The following FARSB variants were observed in gnomAD, a reference collection of about 807,000 sequenced individuals.
FARSB encodes the protein phenylalanine--tRNA ligase beta subunit.
A neutral mutation model predicts 69.6 loss-of-function variants in FARSB; 40 were observed. That is an observed-to-expected ratio of 0.57 (90% CI 0.45 to 0.75). FARSB has a LOEUF of 0.75. FARSB is among the 30% of genes least tolerant of loss of function. The pLI is 0.00. For missense variants in FARSB, 632 were observed against 722.9 expected (o/e 0.87, Z 1.44); for synonymous variants, 235 against 247.2 (o/e 0.95, Z 0.46).
intron 15 of FARSB, among the ~76,000 whole-genome samples, chr2:222,610,130 G>T (rs1181474643): frequency 6.6e-6 from 1 of 152,106 alleles, no homozygotes; most frequent in African/African-American, 2.4e-5. Flanking sequence ...CAATGAAAAA[G>T]AACTTAAAAA....
At chr2:222,639,194 A>G (rs901895729) in intron 5 of FARSB, among the ~76,000 whole-genome samples, 1 of 152,254 alleles carries the variant, frequency 6.6e-6, no homozygotes, top group Admixed American at 6.5e-5. Flanking sequence ...ATGATATATC[A>G]TACTTCATTA....
chr2:222,655,689 C>T (rs2106021853), intron 1 of FARSB, among the ~76,000 whole-genome samples: 1 of 152,370 alleles, frequency 6.6e-6, no homozygotes, highest in South Asian at 2.1e-4. Context: ...AATTAACTGG[C>T]TACGCTCGGG....
chr2:222,619,763 A>G (rs1231375721), intron 13 of FARSB, 26 bp from the exon 14 acceptor site: 1 of 1,281,278 alleles, frequency 7.8e-7, no homozygotes, highest in Admixed American at 1.7e-5. Context: ...AAAACAGATT[A>G]ATATGGAAAA....
rs142162501 is a variant in FARSB at position 222,567,268 on chromosome 2, G to C, written c.*4603C>G. On this transcript the variant is annotated 3_prime_UTR_variant, in exon 17 of 17. Coordinates refer to ENST00000281828, the MANE Select transcript of FARSB (RefSeq NM_005687.5). ...AATAATATACATAAAGTTATTCAAGGCCCTAATAACATAATAAGCCAGAAC... is the reference window on the plus strand; with the variant it reads ...AATAATATACATAAAGTTATTCAAGCCCCTAATAACATAATAAGCCAGAAC... The C allele has an allele frequency of 1.3e-5, 2 of 152,300 alleles. No individual in the cohort carries two copies. Among genetic ancestry groups the C allele is most frequent in the Admixed American group, 1.3e-4 (2 of 15,302 alleles). 9.4% of individuals were successfully genotyped at this position (152,300 alleles called of 1,614,324 possible).
Position 222,628,821 on chromosome 2 carries a change from T to G in FARSB, c.900+16A>C. The G allele has an allele frequency of 6.4e-7, 1 of 1,554,290 alleles. No individual in the cohort carries two copies. The highest frequency in any genetic ancestry group is 1.1e-5 in the South Asian group (1 of 89,192). Reference sequence around the variant, plus strand: ...CATTGTTGTCATAATCATGAAGTCATTTCTTAAGCACTTACTGGAAAGGTA... The same window carrying G: ...CATTGTTGTCATAATCATGAAGTCAGTTCTTAAGCACTTACTGGAAAGGTA... On this transcript the variant is annotated intron_variant, in intron 10 of 16. Coordinates refer to ENST00000281828, the MANE Select transcript of FARSB (RefSeq NM_005687.5).
At chr2:222,607,661 AT>A (rs1396480231) in intron 15 of FARSB, among the ~76,000 whole-genome samples, 1 of 152,080 alleles carries the variant, frequency 6.6e-6, no homozygotes, top group Non-Finnish European at 1.5e-5. Context: ...AAAAAAAAAA[AT>A]AAGAAAAGAT....
At chr2:222,605,189 C>CTCTCTCTCTT (rs1226548205) in intron 15 of FARSB, among the ~76,000 whole-genome samples, 6 of 151,904 alleles carry the variant, frequency 3.9e-5, no homozygotes. Context: ...CTCTCTCTCT[C>CTCTCTCTCTT]TCTCTGTGTC....
chr2:222,643,077 C>T (rs1691764119), intron 2 of FARSB, 72 bp from the exon 3 acceptor site: 2 of 842,792 alleles, frequency 2.4e-6, no homozygotes, highest in Non-Finnish European at 3.6e-6. Context: ...AAGTTGTCAG[C>T]CCTATAAGGC....
Position 222,599,863 on chromosome 2 carries a change from C to A in FARSB, c.1618+65G>T, listed in dbSNP as rs1690515296. 5 of 1,312,414 alleles carry A rather than the reference C, an allele frequency of 3.8e-6. No homozygotes were observed. In the South Asian group the frequency reaches 8.5e-5, roughly 22 times the overall value. 81.3% of individuals were successfully genotyped at this position (1,312,414 alleles called of 1,614,324 possible). A position where few individuals can be genotyped will look rare whatever the true frequency, so the allele number is the denominator to read the frequency against. On this transcript the variant is annotated intron_variant, in intron 16 of 16. Coordinates refer to ENST00000281828, the MANE Select transcript of FARSB (RefSeq NM_005687.5). ...CCCAAATCAAAACTACCAACTTCAT[C>A]AAAAACAAGGTGTAGCCTCTTCCTG...
At chr2:222,600,596 G>T (rs886295371) in intron 15 of FARSB, among the ~76,000 whole-genome samples, 34 of 152,282 alleles carry the variant, frequency 2.2e-4, no homozygotes, top group African/African-American at 8.2e-4. Flanking sequence ...GCATCTTTAT[G>T]ATGGTTTATC....
At chr2:222,608,003 T>C (rs1332266220) in intron 15 of FARSB, among the ~76,000 whole-genome samples, 1 of 152,168 alleles carries the variant, frequency 6.6e-6, no homozygotes, top group Non-Finnish European at 1.5e-5. Context: ...CAGGACACAT[T>C]ATACTCACGT....
At chr2:222,617,756 ACCTGTAAT>A (rs1237069249) in intron 14 of FARSB, among the ~76,000 whole-genome samples, 1 of 152,016 alleles carries the variant, frequency 6.6e-6, no homozygotes, top group Non-Finnish European at 1.5e-5. Flanking sequence ...GGTAGCACAC[ACCTGTAAT>A]CCCAGCTACT....
Position 222,568,608 on chromosome 2 carries a change from G to C in FARSB, c.*3263C>G, listed in dbSNP as rs1231324169. 1 of 152,262 alleles carries C rather than the reference G, an allele frequency of 6.6e-6. No homozygotes were observed. Among genetic ancestry groups the C allele is most frequent in the East Asian group, 1.9e-4 (1 of 5,202 alleles). 9.4% of individuals were successfully genotyped at this position (152,262 alleles called of 1,614,324 possible). A position where few individuals can be genotyped will look rare whatever the true frequency, so the allele number is the denominator to read the frequency against. On this transcript the variant is annotated 3_prime_UTR_variant, in exon 17 of 17. Transcript: ENST00000281828. This position sits in a 1 kb window ranked among gnomAD's most constrained non-coding sequence, Gnocchi z 4.3. ...TAATCCCAGCACTTTGGGAGGCAGA[G>C]GTGGACAGATCGCCTGAGGTCAGAA...
chr2:222,582,332 A>C (rs1689990292), intron 16 of FARSB, among the ~76,000 whole-genome samples: 2 of 152,330 alleles, frequency 1.3e-5, no homozygotes, highest in South Asian at 4.1e-4. Flanking sequence ...AACAGTGTGT[A>C]AAGTATCAGC....
chr2:222,610,498 A>T (rs1690819916), intron 15 of FARSB, among the ~76,000 whole-genome samples: 1 of 151,592 alleles, frequency 6.6e-6, no homozygotes, highest in South Asian at 2.1e-4. Context: ...TAAAAATAAA[A>T]AATAGAAAAA....
chr2:222,572,076 T>C lies in FARSB; in HGVS notation c.1619-54A>G, dbSNP rs532447595. ...AATGTTTCTTCTGGCAAAACATCAA[T>C]AGACATTTAACACTAAAAGCCCACT... On this transcript the variant is annotated intron_variant, in intron 16 of 16. Coordinates refer to ENST00000281828, the MANE Select transcript of FARSB (RefSeq NM_005687.5). The C allele has an allele frequency of 1.7e-5, 26 of 1,531,668 alleles. No individual in the cohort carries two copies. The African/African-American group carries it at 2.5e-4, about 15-fold the overall frequency. 94.9% of individuals were successfully genotyped at this position (1,531,668 alleles called of 1,614,324 possible). A position where few individuals can be genotyped will look rare whatever the true frequency, so the allele number is the denominator to read the frequency against.
Position 222,604,624 on chromosome 2 carries a change from T to C in FARSB, c.1463-4541A>G, listed in dbSNP as rs181104340. ...AGGCTGGAGTGCAGCAGCATGATCT[T>C]GGCTCATTGCAGCCTTGACTTCCCA... On this transcript the variant is annotated intron_variant, in intron 15 of 16. Coordinates refer to ENST00000281828, the MANE Select transcript of FARSB (RefSeq NM_005687.5). 3.3e-5 allele frequency among the ~76,000 whole-genome samples: 5 copies of C among 152,106 alleles called. No individual in the cohort carries two copies. The East Asian group carries it at 7.7e-4, about 24-fold the overall frequency.
chr2:222,568,073 C>T lies in FARSB; in HGVS notation c.*3798G>A, dbSNP rs911632552. 9 of 152,036 alleles carry T rather than the reference C, an allele frequency of 5.9e-5. No homozygotes were observed. The highest frequency in any genetic ancestry group is 3.3e-4 in the Admixed American group (5 of 15,272). The allele number at this position is 152,036 out of a possible 1,614,324, so 9.4% of individuals were successfully genotyped here. On this transcript the variant is annotated 3_prime_UTR_variant, in exon 17 of 17. Transcript: ENST00000281828. The surrounding 1 kb of genome is among the most constrained non-coding windows in gnomAD (Gnocchi z 4.3). ...TTGCAAACCAGTAAGTAGAGCATGA[C>T]CCCCAAAAATGTGAGCAGGTGTGTG... is the stretch of plus-strand genomic sequence containing the variant.
At chr2:222,624,227 C>A in intron 12 of FARSB, 45 bp downstream of exon 12, 2 of 1,231,510 alleles carry the variant, frequency 1.6e-6, no homozygotes, top group South Asian at 1.2e-5. Context: ...ATTAAATAAT[C>A]AGTTTCTAAC....
Sources: gnomAD v4.1 joint callset for allele counts (sites outside exome capture counted in the v4.1 genomes callset) on GRCh38, gnomAD v4.1.1 for gene constraint, Gnocchi (gnomAD v3.1) non-coding constraint, MANE v1.5 for transcripts, NCBI Gene and HGNC (gene_info 2026-07-23, HGNC 2026-07-21) for gene names.